FTO: variants seen among roughly 807,000 people sequenced by gnomAD.
FTO encodes the protein FTO alpha-ketoglutarate dependent dioxygenase.
A neutral mutation model predicts 63.9 loss-of-function variants in FTO; 47 were observed. The observed-to-expected ratio is 0.74, with a 90% CI of 0.58 to 0.94. The LOEUF is 0.94. Among genes scored for constraint, FTO ranks in the 40% least tolerant of loss-of-function variants. The pLI is 0.00. For synonymous variants in FTO, 207 were observed against 224.4 expected (o/e 0.92, Z 0.69); for missense variants, 562 against 618.1 (o/e 0.91, Z 0.96).
At chr16:54,066,235 TAGGTGAGAC>T (rs112960867) in intron 8 of FTO, among the ~76,000 whole-genome samples, 9,514 of 152,170 alleles carry the variant, frequency 0.063, 401 homozygotes, top group East Asian at 0.14. Flanking sequence ...GTCCATGCAG[TAGGTGAGAC>T]AGGTGATGAA....
At chr16:54,106,510 A>G (rs1444880625) in intron 8 of FTO, among the ~76,000 whole-genome samples, 3 of 143,536 alleles carry the variant, frequency 2.1e-5, no homozygotes, top group Non-Finnish European at 4.5e-5. Flanking sequence ...GTATATAATT[A>G]TATGTATTTA....
intron 1 of FTO, among the ~76,000 whole-genome samples, chr16:53,728,894 T>A (rs1036556074): frequency 1.3e-5 from 2 of 151,598 alleles, no homozygotes; most frequent in East Asian, 3.9e-4. Flanking sequence ...TCCAAGTAGC[T>A]GGGACTACAG....
intron 8 of FTO, among the ~76,000 whole-genome samples, chr16:53,995,687 T>C (rs1260636492): frequency 6.6e-6 from 1 of 152,208 alleles, no homozygotes; most frequent in African/African-American, 2.4e-5. Flanking sequence ...ACACAGTTCC[T>C]ACTCCGCCTC....
intron 1 of FTO, among the ~76,000 whole-genome samples, chr16:53,807,883 T>C (rs1490972239): frequency 6.6e-6 from 1 of 152,228 alleles, no homozygotes; most frequent in East Asian, 1.9e-4. Context: ...TCATTGGTTC[T>C]TTCTATGGCC....
chr16:53,827,833 A>C (rs2079049417), intron 3 of FTO, among the ~76,000 whole-genome samples: 1 of 152,218 alleles, frequency 6.6e-6, no homozygotes, highest in South Asian at 2.1e-4. Context: ...GGGATTTAAG[A>C]ACTATCACAT....
intron 2 of FTO, among the ~76,000 whole-genome samples, chr16:53,820,011 C>CTTTT (rs35719505): frequency 4.3e-5 from 6 of 138,848 alleles, no homozygotes; most frequent in Non-Finnish European, 7.7e-5. Flanking sequence ...TCTTCTTCTT[C>CTTTT]TTTTTTTTTT....
chr16:53,839,817 T>TTATA (rs879390253), intron 3 of FTO, among the ~76,000 whole-genome samples: 59 of 62,822 alleles, frequency 9.4e-4, no homozygotes, highest in Admixed American at 3.1e-3. Context: ...ATTTATTTAT[T>TTATA]TATTTTAAGG....
chr16:53,911,950 A>G (rs2081720218), intron 7 of FTO, among the ~76,000 whole-genome samples: 1 of 152,244 alleles, frequency 6.6e-6, no homozygotes, highest in African/African-American at 2.4e-5. Flanking sequence ...GCTGTATATC[A>G]GTTATAAAGT....
chr16:53,967,572 T>C (rs2083222852), intron 8 of FTO, among the ~76,000 whole-genome samples: 1 of 152,192 alleles, frequency 6.6e-6, no homozygotes, highest in African/African-American at 2.4e-5. Flanking sequence ...GCAGTGAAAT[T>C]AGCATATGTT....
intron 8 of FTO, among the ~76,000 whole-genome samples, chr16:53,972,975 T>C (rs142151814): frequency 1.3e-5 from 2 of 152,330 alleles, no homozygotes; most frequent in East Asian, 3.9e-4. Context: ...TCTGTTTTTC[T>C]TTATACTTCA....
At chr16:53,970,847 G>A (rs1240003850) in intron 8 of FTO, among the ~76,000 whole-genome samples, 1 of 152,150 alleles carries the variant, frequency 6.6e-6, no homozygotes, top group Non-Finnish European at 1.5e-5. Context: ...CTCAACTGTA[G>A]TTGGATGTAC....
chr16:54,004,690 A>G (rs1007285154), intron 8 of FTO, among the ~76,000 whole-genome samples: 1 of 152,190 alleles, frequency 6.6e-6, no homozygotes, highest in Non-Finnish European at 1.5e-5. Flanking sequence ...GAATTTTCCC[A>G]TAGGCCAAAG....
intron 1 of FTO, among the ~76,000 whole-genome samples, chr16:53,713,129 A>C (rs2075814955): frequency 6.6e-6 from 1 of 152,166 alleles, no homozygotes. Flanking sequence ...TGAAAGAAGT[A>C]ATGGAAAATG....
At chr16:53,765,746 C>T (rs2077184991) in intron 1 of FTO, among the ~76,000 whole-genome samples, 1 of 151,940 alleles carries the variant, frequency 6.6e-6, no homozygotes, top group Non-Finnish European at 1.5e-5. Flanking sequence ...AGACAAAGCT[C>T]TGAGGTGCTA....
intron 8 of FTO, among the ~76,000 whole-genome samples, chr16:53,945,109 G>A (rs2082624227): frequency 1.3e-5 from 2 of 152,188 alleles, no homozygotes; most frequent in African/African-American, 2.4e-5. Context: ...TAAGAAAGAA[G>A]CGACTTGATC....
chr16:54,055,255 A>C (rs2085405193), intron 8 of FTO, among the ~76,000 whole-genome samples: 1 of 152,190 alleles, frequency 6.6e-6, no homozygotes, highest in South Asian at 2.1e-4. Flanking sequence ...CGAACAGCAT[A>C]TTCATTTCAT....
intron 8 of FTO, among the ~76,000 whole-genome samples, chr16:53,936,315 G>C (rs1019916989): frequency 6.6e-6 from 1 of 152,186 alleles, no homozygotes; most frequent in African/African-American, 2.4e-5. Flanking sequence ...CTGGTGTCTT[G>C]AGATCTCAGA....
At chr16:54,078,267 A>G (rs2086049120) in intron 8 of FTO, among the ~76,000 whole-genome samples, 1 of 150,728 alleles carries the variant, frequency 6.6e-6, no homozygotes, top group Non-Finnish European at 1.5e-5. Flanking sequence ...TTATAAACTT[A>G]GTAAAGGATA....
At chr16:54,041,881 GAT>G (rs2085085210) in intron 8 of FTO, among the ~76,000 whole-genome samples, 1 of 152,314 alleles carries the variant, frequency 6.6e-6, no homozygotes, top group South Asian at 2.1e-4. Context: ...ATGTGCTGAT[GAT>G]ACAAAAGGAA....
Sources: gnomAD v4.1 joint callset for allele counts (sites outside exome capture counted in the v4.1 genomes callset) on GRCh38, gnomAD v4.1.1 for gene constraint, MANE v1.5 for transcripts, NCBI Gene and HGNC (gene_info 2026-07-23, HGNC 2026-07-21) for gene names.